Variants in SCN9A observed in about 807,000 individuals in gnomAD.
The protein encoded by SCN9A is sodium voltage-gated channel alpha subunit 9, also known as sodium channel protein type 9 subunit alpha.
Under a neutral mutation model 187.0 loss-of-function variants are expected in SCN9A, and 131 were observed. That is an observed-to-expected ratio of 0.70 (90% CI 0.61 to 0.81). The LOEUF (loss-of-function observed/expected upper bound fraction) is 0.81, where lower values mean the gene tolerates loss of function less well. Among genes scored for constraint, SCN9A ranks in the 30% least tolerant of loss-of-function variants. The pLI is 0.00. For synonymous variants in SCN9A, 809 were observed against 808.6 expected (o/e 1.00, Z -0.01); for missense variants, 2,252 against 2,396.6 (o/e 0.94, Z 1.26).
At chr2:166,287,401 AC>A (rs1697817110) in intron 10 of SCN9A, among the ~76,000 whole-genome samples, 1 of 151,992 alleles carries the variant, frequency 6.6e-6, no homozygotes, top group Non-Finnish European at 1.5e-5. Flanking sequence ...TTTTAAAAAA[AC>A]ACATAGTTCT....
intron 24 of SCN9A, among the ~76,000 whole-genome samples, chr2:166,213,850 T>C (rs563801589): frequency 6.6e-6 from 1 of 151,962 alleles, no homozygotes; most frequent in Non-Finnish European, 1.5e-5. Flanking sequence ...GTAGAAAAAC[T>C]CATGCACACC....
intron 1 of SCN9A, among the ~76,000 whole-genome samples, chr2:166,324,839 C>G (rs1699326407): frequency 6.6e-6 from 1 of 152,048 alleles, no homozygotes; most frequent in Non-Finnish European, 1.5e-5. Context: ...TTGCGACAGC[C>G]TAGAGATGCT....
At chr2:166,223,958 A>G (rs778531051) in intron 24 of SCN9A, among the ~76,000 whole-genome samples, 2 of 152,202 alleles carry the variant, frequency 1.3e-5, no homozygotes, top group Non-Finnish European at 2.9e-5. Context: ...TTAGATTGCA[A>G]GATGAAATAC....
chr2:166,281,902 T>G, intron 12 of SCN9A, 94 bp from the exon 13 acceptor site: 1 of 1,152,554 alleles, frequency 8.7e-7, no homozygotes. Context: ...AGTGAGTAAT[T>G]AAAAGTAGAG....
At chr2:166,299,283 C>G (rs911809990) in intron 7 of SCN9A, among the ~76,000 whole-genome samples, 1 of 147,736 alleles carries the variant, frequency 6.8e-6, no homozygotes, top group Non-Finnish European at 1.5e-5. Flanking sequence ...GAATTGTCTA[C>G]ACATATTACC....
intron 18 of SCN9A, among the ~76,000 whole-genome samples, chr2:166,246,780 A>G (rs1314197152): frequency 6.6e-6 from 1 of 152,116 alleles, no homozygotes; most frequent in Non-Finnish European, 1.5e-5. Context: ...TGAGGAAATA[A>G]AAACACTAAA....
intron 1 of SCN9A, among the ~76,000 whole-genome samples, chr2:166,373,060 A>C (rs1292423740): frequency 2.0e-5 from 3 of 152,338 alleles, no homozygotes; most frequent in East Asian, 3.9e-4. Context: ...AAGTTTAAGA[A>C]GGAGTAAGCA....
At chr2:166,306,901 T>C (rs1698776633) in intron 3 of SCN9A, 55 bp downstream of exon 3, 2 of 995,238 alleles carry the variant, frequency 2.0e-6, no homozygotes, top group African/African-American at 1.6e-5. Flanking sequence ...TTGAATAAAA[T>C]AGCAAAAATT....
rs200750861 is a variant in SCN9A at position 166,196,460 on chromosome 2, A to G, written c.*2212T>C. 274 of 152,266 alleles carry G rather than the reference A, an allele frequency of 1.8e-3. 1 individual carries two copies. The highest frequency in any genetic ancestry group is 6.1e-3 in the African/African-American group (252 of 41,572). The allele number at this position is 152,266 out of a possible 1,614,324, so 9.4% of individuals were successfully genotyped here. A position where few individuals can be genotyped will look rare whatever the true frequency, so the allele number is the denominator to read the frequency against. On this transcript the variant is annotated 3_prime_UTR_variant, in exon 27 of 27. Transcript: ENST00000642356. ...TGTTGTTAACAAACCAGTTGCCCAT[A>G]TTTTTTATTTTACATAAAAACAAGG...
At chr2:166,328,521 A>G (rs1026233558) in intron 1 of SCN9A, among the ~76,000 whole-genome samples, 1 of 152,142 alleles carries the variant, frequency 6.6e-6, no homozygotes, top group Non-Finnish European at 1.5e-5. Flanking sequence ...ATACTTAATG[A>G]AAAGTTAAAA....
rs774694132 is a variant in SCN9A, at chr2:166,305,829, G to T, written c.559C>A (p.Pro187Thr). The change falls in exon 5 of 27, where the codon CCG (proline) becomes ACG (threonine). Residue 187 changes from proline (P) to threonine (T), a missense_variant. Physicochemically the swap from Pro to Thr is conservative, Grantham distance 38. This residue lies in a region of SCN9A where 1,013 missense variants were observed against 997.4 expected (regional missense o/e 1.02). Transcript: ENST00000642356. ...CVGEFTFLRD[P>T]WNWLDFVVIV... ...ACGACAAAATCCAGCCAGTTCCACG[G>T]GTCACGAAGAAAAGTGAATTCTCCT... is the stretch of plus-strand genomic sequence containing the variant. The T allele has an allele frequency of 5.6e-6, 9 of 1,613,158 alleles. No homozygotes were observed. The highest frequency in any genetic ancestry group is 7.6e-6 in the Non-Finnish European group (9 of 1,179,528).
At position 166,200,207 on chromosome 2, in the gene SCN9A, C is replaced by A. The variant is rs1342835837; in HGVS notation, c.4775-343G>T. On this transcript the variant is annotated intron_variant, in intron 26 of 26. Transcript: ENST00000642356. Reference sequence around the variant, plus strand: ...AGAGACGGGGTTTCACCTTGTTAGCCAGGATGGTCTCGATCTCCTGACCTC... The same window carrying A: ...AGAGACGGGGTTTCACCTTGTTAGCAAGGATGGTCTCGATCTCCTGACCTC... Among the ~76,000 whole-genome samples, 6 of 150,356 alleles carry A rather than the reference C, an allele frequency of 4.0e-5. No individual in the cohort carries two copies. In the East Asian group the frequency reaches 1.2e-3, roughly 29 times the overall value.
intron 16 of SCN9A, chr2:166,276,559 T>G (rs1009710528): frequency 1.3e-5 from 2 of 153,982 alleles, no homozygotes; most frequent in Non-Finnish European, 2.9e-5. Flanking sequence ...GCATAGGTGC[T>G]GATCCTTGCT....
chr2:166,359,294 A>C (rs2105311789), intron 1 of SCN9A, among the ~76,000 whole-genome samples: 1 of 152,262 alleles, frequency 6.6e-6, no homozygotes, highest in East Asian at 1.9e-4. Context: ...TTTATAAATT[A>C]AAAGGTTAAA....
chr2:166,336,576 C>G (rs1421536940), intron 1 of SCN9A, among the ~76,000 whole-genome samples: 1 of 152,068 alleles, frequency 6.6e-6, no homozygotes, highest in Non-Finnish European at 1.5e-5. Flanking sequence ...ACAATTTCAC[C>G]TGGAGGCTTT....
chr2:166,279,797 AATT>A (rs2106474220), intron 14 of SCN9A, among the ~76,000 whole-genome samples: 1 of 152,038 alleles, frequency 6.6e-6, no homozygotes, highest in African/African-American at 2.4e-5. Context: ...ATACAGTTAC[AATT>A]ATATTATAAA....
intron 18 of SCN9A, among the ~76,000 whole-genome samples, chr2:166,246,284 T>C (rs1051060818): frequency 6.6e-6 from 1 of 151,852 alleles, no homozygotes. Flanking sequence ...GTTACATCTC[T>C]GTGAATTCTA....
chr2:166,203,696 T>C (rs1414501645), intron 26 of SCN9A, among the ~76,000 whole-genome samples: 3 of 151,966 alleles, frequency 2.0e-5, no homozygotes, highest in South Asian at 4.1e-4. Context: ...AAAGGTAATA[T>C]TGGAAACTAA....
intron 1 of SCN9A, among the ~76,000 whole-genome samples, chr2:166,322,767 G>T (rs1301473223): frequency 1.3e-5 from 2 of 152,070 alleles, no homozygotes; most frequent in Non-Finnish European, 2.9e-5. Context: ...ATTAAACAGA[G>T]ATTTAGTTTA....
Sources: allele counts gnomAD v4.1 joint callset (sites outside exome capture counted in the v4.1 genomes callset), GRCh38; gene constraint gnomAD v4.1.1; regional missense constraint gnomAD v4.1.1; transcripts MANE v1.5; gene names NCBI Gene and HGNC (gene_info 2026-07-23, HGNC 2026-07-21).